The following RHD variants were observed in gnomAD, a reference collection of about 807,000 sequenced individuals.
The protein encoded by RHD is Rh blood group D antigen.
A neutral mutation model predicts 45.5 loss-of-function variants in RHD; 16 were observed. The observed-to-expected ratio is 0.35, with a 90% CI of 0.24 to 0.53. The LOEUF is 0.53. RHD is among the 20% of genes least tolerant of loss of function. The probability of loss-of-function intolerance (pLI) is 0.92; values close to 1 mark genes in which losing one functional copy is unlikely to be tolerated. For missense variants in RHD, 306 were observed against 532.0 expected (o/e 0.58, Z 4.18); for synonymous variants, 131 against 217.5 (o/e 0.60, Z 3.50).
At chr1:25,310,048 T>C (rs1644060369) in intron 7 of RHD, among the ~76,000 whole-genome samples, 1 of 132,346 alleles carries the variant, frequency 7.6e-6, no homozygotes, top group African/African-American at 2.5e-5. Flanking sequence ...ATCATACAAG[T>C]ACCATTTGAT....
rs1364849288 is a variant in RHD at position 25,283,297 on chromosome 1, G to C, written c.149-1276G>C. Among the ~76,000 whole-genome samples the C allele has an allele frequency of 3.8e-5, 5 of 131,894 alleles. 1 individual carries two copies. In the East Asian group the frequency reaches 5.9e-4, roughly 15 times the overall value. The allele number at this position is 131,894 out of a possible 152,430, so 86.5% of individuals were successfully genotyped here. On this transcript the variant is annotated intron_variant, in intron 1 of 9. Coordinates refer to ENST00000328664, the MANE Select transcript of RHD (RefSeq NM_016124.6). ...TGTAATCCCATCACTTTGGGAAACC[G>C]AGGTGGGCAGATCACTTGAGGTCAG...
rs544946241 is a variant in RHD, at chr1:25,329,395, C to A, written c.*471C>A. On this transcript the variant is annotated 3_prime_UTR_variant, in exon 10 of 10. Transcript: ENST00000328664. ...AAGTAGCTGGGATTACAGGCACCCA[C>A]CACATCTGGCTAATTTTTTGTATTT... 2 of 289,706 alleles carry A rather than the reference C, an allele frequency of 6.9e-6. No homozygotes were observed. Among genetic ancestry groups the A allele is most frequent in the Non-Finnish European group, 1.4e-5 (2 of 141,062 alleles). The allele number at this position is 289,706 out of a possible 1,614,324, so 17.9% of individuals were successfully genotyped here.
At chr1:25,273,302 A>ATT (rs750823240) in intron 1 of RHD, among the ~76,000 whole-genome samples, 3,205 of 97,802 alleles carry the variant, frequency 0.033, 241 homozygotes, top group African/African-American at 0.11. Flanking sequence ...TGCCTGGCTA[A>ATT]TTTTTTTTTT....
chr1:25,303,501 G>A (rs747890232), intron 6 of RHD, 42 bp downstream of exon 6: 1 of 1,375,132 alleles, frequency 7.3e-7, no homozygotes, highest in South Asian at 1.2e-5. Flanking sequence ...TTGGCTGAAG[G>A]CCAGCAGGAC....
At chr1:25,274,757 G>A (rs1485333379) in intron 1 of RHD, among the ~76,000 whole-genome samples, 6 of 133,782 alleles carry the variant, frequency 4.5e-5, no homozygotes, top group South Asian at 2.3e-4. Context: ...CTGTAATCCC[G>A]GCACATTGGG....
rs958831037 is a variant in RHD, at chr1:25,317,870, G to A, written c.1153+791G>A. Among the ~76,000 whole-genome samples, 3 of 108,712 alleles carry A rather than the reference G, an allele frequency of 2.8e-5. 1 individual carries two copies. The highest frequency in any genetic ancestry group is 6.6e-5 in the Non-Finnish European group (3 of 45,544). The allele number at this position is 108,712 out of a possible 152,430, so 71.3% of individuals were successfully genotyped here. Reference sequence around the variant, plus strand: ...GGAGTGAGAAGGAGCAGCAGGGGTTGAGGGCAGAATGGTAGTGAGGAGCAG... The same window carrying A: ...GGAGTGAGAAGGAGCAGCAGGGGTTAAGGGCAGAATGGTAGTGAGGAGCAG... On this transcript the variant is annotated intron_variant, in intron 8 of 9. Coordinates refer to ENST00000328664, the MANE Select transcript of RHD (RefSeq NM_016124.6).
At chr1:25,320,043 C>G (rs1644613635) in intron 8 of RHD, among the ~76,000 whole-genome samples, 1 of 131,492 alleles carries the variant, frequency 7.6e-6, no homozygotes, top group African/African-American at 2.6e-5. Flanking sequence ...GGATTACAGG[C>G]ATGCACCACC....
At chr1:25,308,703 CA>C (rs1299546100) in intron 7 of RHD, among the ~76,000 whole-genome samples, 1 of 128,954 alleles carries the variant, frequency 7.8e-6, no homozygotes, top group Non-Finnish European at 1.8e-5. Context: ...CAACTCTCAT[CA>C]GGGTGAGTGA....
At chr1:25,296,732 T>A (rs1283350710) in intron 3 of RHD, among the ~76,000 whole-genome samples, 1 of 124,920 alleles carries the variant, frequency 8.0e-6, no homozygotes, top group South Asian at 2.5e-4. Context: ...GTGTGGCACT[T>A]CCTCTCTCTC....
intron 7 of RHD, among the ~76,000 whole-genome samples, chr1:25,308,054 T>C: frequency 8.4e-6 from 1 of 119,474 alleles, no homozygotes. Flanking sequence ...AAAAAGCCAG[T>C]GAAGGAAGGG....
In RHD at chr1:25,310,837, G is replaced by A. The variant is rs1017724883; in HGVS notation, c.1073+4108G>A. On this transcript the variant is annotated intron_variant, in intron 7 of 9. Coordinates refer to ENST00000328664, the MANE Select transcript of RHD (RefSeq NM_016124.6). ...AAATACAAAAAATTAGCTGGGCGTGGTGGCGCACACCTGTAATCTCAGCTA... is the reference window on the plus strand; with the variant it reads ...AAATACAAAAAATTAGCTGGGCGTGATGGCGCACACCTGTAATCTCAGCTA... Among the ~76,000 whole-genome samples, 10 of 130,862 alleles carry A rather than the reference G, an allele frequency of 7.6e-5. 2 individuals carry two copies. Among genetic ancestry groups the A allele is most frequent in the Admixed American group, 6.6e-4 (9 of 13,554 alleles). 85.9% of individuals were successfully genotyped at this position (130,862 alleles called of 152,430 possible).
chr1:25,296,615 G>A (rs971092345), intron 3 of RHD, among the ~76,000 whole-genome samples: 2 of 131,482 alleles, frequency 1.5e-5, no homozygotes, highest in Admixed American at 7.4e-5. Context: ...TAATCCCCAC[G>A]TGTTGAGGGC....
At position 25,302,999 on chromosome 1, in the gene RHD, A is replaced by T. The variant is rs181075961; in HGVS notation, c.802-323A>T. 4.7e-3 allele frequency among the ~76,000 whole-genome samples: 610 copies of T among 130,266 alleles called. 85 individuals are homozygous for T. The highest frequency in any genetic ancestry group is 0.015 in the African/African-American group (551 of 37,862). The allele number at this position is 130,266 out of a possible 152,430, so 85.5% of individuals were successfully genotyped here. ...TCTCTAAAAAATAAAACAAAAACCC[A>T]TTCTTCCCGCTGCCCAGGGACACAC... is the stretch of plus-strand genomic sequence containing the variant. On this transcript the variant is annotated intron_variant, in intron 5 of 9. Coordinates refer to ENST00000328664, the MANE Select transcript of RHD (RefSeq NM_016124.6).
At chr1:25,276,741 G>T (rs1258712715) in intron 1 of RHD, among the ~76,000 whole-genome samples, 5 of 129,348 alleles carry the variant, frequency 3.9e-5, no homozygotes, top group Admixed American at 3.8e-4. Flanking sequence ...TTGAGGTGAA[G>T]CGAGGCTGTA....
At chr1:25,307,995 G>T (rs115030179) in intron 7 of RHD, among the ~76,000 whole-genome samples, 7,213 of 120,242 alleles carry the variant, frequency 0.06, 1,481 homozygotes, top group African/African-American at 0.19. Flanking sequence ...ACCTAGCAAG[G>T]TCCTACTCAC....
In RHD at chr1:25,321,440, C is replaced by A. The variant is rs569356195; in HGVS notation, c.1154-449C>A. ...CTTTGGAAGGCTGAGGTGGGTGGAT[C>A]ACCTGAGGTCGGGAGTTCGAGACCA... On this transcript the variant is annotated intron_variant, in intron 8 of 9. Transcript: ENST00000328664. 3.4e-4 allele frequency among the ~76,000 whole-genome samples: 40 copies of A among 117,814 alleles called. 8 individuals are homozygous for A. Among genetic ancestry groups the A allele is most frequent in the Non-Finnish European group, 5.9e-4 (30 of 50,692 alleles). The allele number at this position is 117,814 out of a possible 152,430, so 77.3% of individuals were successfully genotyped here.
Position 25,295,611 on chromosome 1 carries a change from G to A in RHD, c.486+4820G>A, listed in dbSNP as rs540949957. On this transcript the variant is annotated intron_variant, in intron 3 of 9. Transcript: ENST00000328664. ...CAGTGGGTGGCAGAAGTGTAACGCA[G>A]GGAAAGAGACGAGCGGTCAAGGAGC... Among the ~76,000 whole-genome samples, 11 of 106,100 alleles carry A rather than the reference G, an allele frequency of 1.0e-4. No individual in the cohort carries two copies. The South Asian group carries it at 2.8e-3, about 27-fold the overall frequency. 69.6% of individuals were successfully genotyped at this position (106,100 alleles called of 152,430 possible). A position where few individuals can be genotyped will look rare whatever the true frequency, so the allele number is the denominator to read the frequency against.
intron 7 of RHD, among the ~76,000 whole-genome samples, chr1:25,310,254 T>G (rs114535813): frequency 0.064 from 8,534 of 132,726 alleles, 234 homozygotes; most frequent in African/African-American, 0.2. Context: ...TTGATGGTTT[T>G]TGGAGGAAGG....
intron 2 of RHD, among the ~76,000 whole-genome samples, chr1:25,287,479 G>T (rs1257975607): frequency 7.4e-6 from 1 of 135,008 alleles, no homozygotes; most frequent in South Asian, 2.2e-4. Flanking sequence ...ACCGGTTCCC[G>T]TCAGGGCTGT....
Sources: allele counts gnomAD v4.1 joint callset (sites outside exome capture counted in the v4.1 genomes callset), GRCh38; gene constraint gnomAD v4.1.1; transcripts MANE v1.5; gene names NCBI Gene and HGNC (gene_info 2026-07-23, HGNC 2026-07-21).